Variants in PLCG2 observed in about 807,000 individuals in gnomAD.
PLCG2 encodes the protein 1-phosphatidylinositol 4,5-bisphosphate phosphodiesterase gamma-2.
A neutral mutation model predicts 175.6 loss-of-function variants in PLCG2; 69 were observed. The ratio of observed to expected loss-of-function variants is 0.39; its 90% confidence interval spans 0.32 to 0.48. The LOEUF is 0.48. PLCG2 is among the 20% of genes least tolerant of loss of function. The pLI is 0.91. For missense variants in PLCG2, 1,798 were observed against 1,650.9 expected (o/e 1.09, Z -1.54); for synonymous variants, 827 against 624.0 (o/e 1.33, Z -4.85).
chr16:81,788,335 C>T lies in PLCG2; in HGVS notation c.193+2153C>T, dbSNP rs933912714. Among the ~76,000 whole-genome samples the T allele has an allele frequency of 3.3e-5, 5 of 152,164 alleles. No individual in the cohort carries two copies. In the East Asian group the frequency reaches 9.6e-4, roughly 29 times the overall value. ...TCGCTCTGTTGCCCAGGCTGGAGTGCAGTAGTACAATGTCAGCTCACTGCA... is the reference window on the plus strand; with the variant it reads ...TCGCTCTGTTGCCCAGGCTGGAGTGTAGTAGTACAATGTCAGCTCACTGCA... On this transcript the variant is annotated intron_variant, in intron 2 of 32. Coordinates refer to ENST00000564138, the MANE Select transcript of PLCG2 (RefSeq NM_002661.5).
chr16:81,937,807 G>C lies in PLCG2; in HGVS notation c.3102G>C (p.Thr1034=), dbSNP rs2143730856. The change falls in exon 28 of 33, where the codon ACG becomes ACC. Residue 1034 remains threonine (T), a synonymous_variant. Coordinates refer to ENST00000564138, the MANE Select transcript of PLCG2 (RefSeq NM_002661.5). ...NHALFSLNGR[T]GYVLQPESMR... Reference sequence around the variant, plus strand: ...CATTGTTTTCTCTCAATGGGCGCACGGGCTACGTTCTGCAGCCTGAGAGCA... The same window carrying C: ...CATTGTTTTCTCTCAATGGGCGCACCGGCTACGTTCTGCAGCCTGAGAGCA... 6.2e-7 allele frequency: 1 copy of C among 1,613,784 alleles called. No individual in the cohort carries two copies. Among genetic ancestry groups the C allele is most frequent in the Non-Finnish European group, 8.5e-7 (1 of 1,179,722 alleles).
At chr16:81,919,269 T>G (rs143694433) in intron 19 of PLCG2, among the ~76,000 whole-genome samples, 146 of 152,322 alleles carry the variant, frequency 9.6e-4, no homozygotes, top group African/African-American at 3.3e-3. Flanking sequence ...TCGGCCATAT[T>G]TCTTCTGAGA....
At chr16:81,945,590 T>C (rs1056622491) in intron 30 of PLCG2, among the ~76,000 whole-genome samples, 4 of 152,194 alleles carry the variant, frequency 2.6e-5, no homozygotes, top group Non-Finnish European at 5.9e-5. Context: ...GTGGGGGAGA[T>C]TCGGCTCCAA....
In PLCG2 at chr16:81,835,316, C is replaced by T. The variant is rs77562987; in HGVS notation, c.194-19128C>T. Among the ~76,000 whole-genome samples the T allele has an allele frequency of 6.2e-3, 945 of 152,250 alleles. 9 individuals carry two copies. The highest frequency in any genetic ancestry group is 0.024 in the Middle Eastern group (7 of 294). On this transcript the variant is annotated intron_variant, in intron 2 of 32. Coordinates refer to ENST00000564138, the MANE Select transcript of PLCG2 (RefSeq NM_002661.5). ...GCTGTTATAATAATAATGAAGATGG[C>T]CGGGTGTGGTGGCTCACACCTGTAA... is the stretch of plus-strand genomic sequence containing the variant.
intron 2 of PLCG2, among the ~76,000 whole-genome samples, chr16:81,803,539 TCTTTCTTTC>T (rs1567472248): frequency 7.3e-6 from 1 of 136,260 alleles, no homozygotes; most frequent in African/African-American, 2.9e-5. Flanking sequence ...TTCTTTCTTT[TCTTTCTTTC>T]CTTTCTTTCC....
intron 5 of PLCG2, among the ~76,000 whole-genome samples, chr16:81,867,302 C>G (rs1024477386): frequency 6.6e-6 from 1 of 152,260 alleles, no homozygotes. Flanking sequence ...TCTGTCTCAG[C>G]TCTGCTGGAC....
chr16:81,905,609 T>C, intron 15 of PLCG2, 102 bp downstream of exon 15: 2 of 712,968 alleles, frequency 2.8e-6, no homozygotes, highest in Non-Finnish European at 5.0e-6. Flanking sequence ...CTTGTTCCCA[T>C]TTTTAGTCAA....
At chr16:81,901,668 C>G (rs1909157526) in intron 14 of PLCG2, among the ~76,000 whole-genome samples, 1 of 152,228 alleles carries the variant, frequency 6.6e-6, no homozygotes, top group Admixed American at 6.5e-5. Flanking sequence ...CAGCAAGCCA[C>G]TTGCGGGCTC....
chr16:81,796,663 C>G (rs1911481662), intron 2 of PLCG2, among the ~76,000 whole-genome samples: 1 of 152,160 alleles, frequency 6.6e-6, no homozygotes, highest in Non-Finnish European at 1.5e-5. Flanking sequence ...GGGCCCTAAT[C>G]CAATATGACT....
intron 31 of PLCG2, among the ~76,000 whole-genome samples, chr16:81,953,347 CGAGATGTTAACACT>C (rs1468699254): frequency 2.6e-5 from 4 of 151,764 alleles, no homozygotes; most frequent in African/African-American, 9.7e-5. Flanking sequence ...TGTGGTTGTG[CGAGATGTTAACACT>C]GTGGAGTCTA....
intron 18 of PLCG2, 72 bp from the exon 19 acceptor site, chr16:81,912,525 G>C: frequency 3.2e-6 from 5 of 1,566,990 alleles, no homozygotes; most frequent in Non-Finnish European, 3.5e-6. Context: ...CCATTATCTT[G>C]TCCTCTGCGG....
At chr16:81,874,333 T>C (rs1410120367) in intron 7 of PLCG2, among the ~76,000 whole-genome samples, 1 of 152,108 alleles carries the variant, frequency 6.6e-6, no homozygotes, top group East Asian at 1.9e-4. Flanking sequence ...CCCAAAGAAG[T>C]TTTGCTTTGG....
intron 9 of PLCG2, among the ~76,000 whole-genome samples, chr16:81,886,181 A>G (rs1444092947): frequency 1.3e-5 from 2 of 151,960 alleles, no homozygotes; most frequent in African/African-American, 4.8e-5. Context: ...GTGTAGATTT[A>G]CCCCACCTAG....
At chr16:81,773,174 C>T (rs917955543) in intron 2 of PLCG2, among the ~76,000 whole-genome samples, 41 of 152,020 alleles carry the variant, frequency 2.7e-4, no homozygotes, top group Admixed American at 1.1e-3. Context: ...TGTGGGGGGG[C>T]GTTGGGAAAA....
At chr16:81,742,013 C>T (rs1909604984) in intron 1 of PLCG2, among the ~76,000 whole-genome samples, 3 of 152,136 alleles carry the variant, frequency 2.0e-5, no homozygotes, top group African/African-American at 7.2e-5. Flanking sequence ...GTGCATTCAC[C>T]AACTTCTCCC....
chr16:81,751,971 G>A (rs866295407), intron 1 of PLCG2, among the ~76,000 whole-genome samples: 3 of 152,004 alleles, frequency 2.0e-5, no homozygotes, highest in Non-Finnish European at 4.4e-5. Flanking sequence ...GCAGTGAGCC[G>A]AGATTGTGCC....
rs1033945929 is a variant in PLCG2, at chr16:81,959,525, C to T, written c.*1527C>T. On this transcript the variant is annotated 3_prime_UTR_variant, in exon 33 of 33. Coordinates refer to ENST00000564138, the MANE Select transcript of PLCG2 (RefSeq NM_002661.5). ...GCTCCTAAAAGAAAGCCATTTACCT[C>T]GCTTGAAGCCAGGAACACAGGGAAC... is the stretch of plus-strand genomic sequence containing the variant. The T allele has an allele frequency of 1.9e-5, 4 of 208,790 alleles. No individual in the cohort carries two copies. Among genetic ancestry groups the T allele is most frequent in the Middle Eastern group, 1.5e-3 (1 of 650 alleles). The allele number at this position is 208,790 out of a possible 1,614,324, so 12.9% of individuals were successfully genotyped here. A position where few individuals can be genotyped will look rare whatever the true frequency, so the allele number is the denominator to read the frequency against.
Position 81,961,348 on chromosome 16 carries a change from G to C in PLCG2, c.*3350G>C, listed in dbSNP as rs1343046002. ...TCTACATAGATGAAATAATTGTGGAGAAAAGCCCTCTTTATCTCATTAAGT... is the reference window on the plus strand; with the variant it reads ...TCTACATAGATGAAATAATTGTGGACAAAAGCCCTCTTTATCTCATTAAGT... On this transcript the variant is annotated 3_prime_UTR_variant, in exon 33 of 33. Transcript: ENST00000564138. The C allele has an allele frequency of 8.8e-6, 2 of 226,046 alleles. No homozygotes were observed. The highest frequency in any genetic ancestry group is 1.8e-5 in the Non-Finnish European group (2 of 113,668). The allele number at this position is 226,046 out of a possible 1,614,324, so 14.0% of individuals were successfully genotyped here. A position where few individuals can be genotyped will look rare whatever the true frequency, so the allele number is the denominator to read the frequency against.
At chr16:81,947,266 CA>C (rs1911188608) in intron 31 of PLCG2, among the ~76,000 whole-genome samples, 1 of 152,164 alleles carries the variant, frequency 6.6e-6, no homozygotes, top group African/African-American at 2.4e-5. Flanking sequence ...TGTAGGGAGC[CA>C]GGGGCGTTGT....
Sources: gnomAD v4.1 joint callset for allele counts (sites outside exome capture counted in the v4.1 genomes callset) on GRCh38, gnomAD v4.1.1 for gene constraint, MANE v1.5 for transcripts, NCBI Gene and HGNC (gene_info 2026-07-23, HGNC 2026-07-21) for gene names.